Variants in TRIM2 observed in about 807,000 individuals in gnomAD.
The protein encoded by TRIM2 is tripartite motif containing 2, also known as tripartite motif-containing protein 2.
A neutral mutation model predicts 75.2 loss-of-function variants in TRIM2; 20 were observed. The observed-to-expected ratio is 0.27, with a 90% CI of 0.19 to 0.39. The LOEUF is 0.39. TRIM2 is among the 10% of genes least tolerant of loss of function. TRIM2 has a pLI of 1.00. For missense variants in TRIM2, 660 were observed against 990.8 expected, an observed-to-expected ratio of 0.67 and a Z score of 4.48; for synonymous variants, 373 against 388.3, an observed-to-expected ratio of 0.96 and a Z score of 0.46.
At chr4:153,261,431 A>G (rs1330751320) in intron 1 of TRIM2, among the ~76,000 whole-genome samples, 1 of 151,508 alleles carries the variant, frequency 6.6e-6, no homozygotes, top group Non-Finnish European at 1.5e-5. Flanking sequence ...TTAGGGAGAG[A>G]AAAAAAAAGG....
rs533376344 is a variant in TRIM2 at position 153,175,108 on chromosome 4, C to G, written c.-49+21838C>G. ...CGCTGCAACCTCCGCCTTCTGCCTT[C>G]CGGTTTCAAGCGATTCTCCTGCCTC... On this transcript the variant is annotated intron_variant, in intron 1 of 11. Transcript: ENST00000437508. Among the ~76,000 whole-genome samples the G allele has an allele frequency of 2.0e-4, 31 of 152,184 alleles. No individual in the cohort carries two copies. The South Asian group carries it at 6.2e-3, about 31-fold the overall frequency.
At chr4:153,258,646 A>G (rs1002807425) in intron 1 of TRIM2, among the ~76,000 whole-genome samples, 2 of 152,228 alleles carry the variant, frequency 1.3e-5, no homozygotes, top group East Asian at 1.9e-4. Flanking sequence ...GACAGTTTCA[A>G]TGTAATAGCT....
chr4:153,199,995 G>A (rs1734166517), upstream of TRIM2, among the ~76,000 whole-genome samples: 1 of 147,004 alleles, frequency 6.8e-6, no homozygotes, highest in African/African-American at 2.5e-5. Flanking sequence ...AGGCTGGAGT[G>A]CAGTGGTATG....
chr4:153,169,598 G>A (rs946446813), intron 1 of TRIM2, among the ~76,000 whole-genome samples: 1 of 152,066 alleles, frequency 6.6e-6, no homozygotes, highest in African/African-American at 2.4e-5. Context: ...GTATGTGTGT[G>A]TATATTGTAT....
intron 1 of TRIM2, among the ~76,000 whole-genome samples, chr4:153,187,170 A>G (rs1180551720): frequency 1.3e-5 from 2 of 152,142 alleles, no homozygotes; most frequent in African/African-American, 4.8e-5. Flanking sequence ...ACAGTCACAA[A>G]TCATGTATGT....
intron 1 of TRIM2, among the ~76,000 whole-genome samples, chr4:153,176,890 T>C (rs10025876): frequency 0.58 from 88,044 of 152,108 alleles, 26,325 homozygotes; most frequent in African/African-American, 0.74. Context: ...TGATTACAGG[T>C]GTGAGCCACC....
intron 8 of TRIM2, among the ~76,000 whole-genome samples, chr4:153,317,035 C>A (rs2149532729): frequency 6.6e-6 from 1 of 151,736 alleles, no homozygotes. Flanking sequence ...TGCCCGCCAC[C>A]ACGCCCGGCT....
At chr4:153,174,142 C>G (rs1404928120) in intron 1 of TRIM2, among the ~76,000 whole-genome samples, 2 of 38,968 alleles carry the variant, frequency 5.1e-5, no homozygotes, top group African/African-American at 3.4e-4. Context: ...CAGTGGAAAC[C>G]CTTGCATTGC....
At chr4:153,278,462 C>T (rs964593202) in intron 3 of TRIM2, among the ~76,000 whole-genome samples, 3 of 152,210 alleles carry the variant, frequency 2.0e-5, no homozygotes, top group African/African-American at 7.2e-5. Context: ...ATGACAGCCC[C>T]TTCATATCCC....
At chr4:153,334,762 G>T in intron 11 of TRIM2, 52 bp from the exon 12 acceptor site, 2 of 1,497,434 alleles carry the variant, frequency 1.3e-6, no homozygotes, top group Middle Eastern at 1.7e-4. Flanking sequence ...CCCATGTTCA[G>T]CATATTACTA....
chr4:153,246,036 G>A (rs1007632865), intron 1 of TRIM2, among the ~76,000 whole-genome samples: 4 of 152,124 alleles, frequency 2.6e-5, no homozygotes, highest in African/African-American at 7.2e-5. Flanking sequence ...CAGTTGCAAC[G>A]GATACTGTAT....
rs142215104 is a variant in TRIM2 at position 153,236,658 on chromosome 4, T to TTTTTCTTTTCTTTTCTTTTCTTTTC, written c.30+32103_30+32127dup. ...GTTGTTTGAGTCTGAGGATTGTGTC[T>TTTTTCTTTTCTTTTCTTTTCTTTTC]TTTTCTTTTCTTTTCTTTTCTTTTC... On this transcript the variant is annotated intron_variant, in intron 1 of 11. Transcript: ENST00000338700. Among the ~76,000 whole-genome samples the TTTTTCTTTTCTTTTCTTTTCTTTTC allele has an allele frequency of 1.3e-3, 192 of 149,614 alleles. 1 individual carries two copies. Among genetic ancestry groups the TTTTTCTTTTCTTTTCTTTTCTTTTC allele is most frequent in the African/African-American group, 4.7e-3 (186 of 39,804 alleles).
At chr4:153,227,930 CCTT>C (rs1462351773) in intron 1 of TRIM2, among the ~76,000 whole-genome samples, 1 of 152,192 alleles carries the variant, frequency 6.6e-6, no homozygotes, top group Non-Finnish European at 1.5e-5. Context: ...AGCTGGCTCT[CCTT>C]ATTGTTCAGC....
intron 3 of TRIM2, among the ~76,000 whole-genome samples, chr4:153,280,610 C>A (rs1033381544): frequency 6.6e-6 from 1 of 151,944 alleles, no homozygotes; most frequent in Admixed American, 6.6e-5. Context: ...GCAAACTGGC[C>A]TCAAGGGATC....
At chr4:153,270,649 T>C (rs1756451638) in intron 2 of TRIM2, 130 bp downstream of exon 2, 2 of 787,194 alleles carry the variant, frequency 2.5e-6, no homozygotes, top group Non-Finnish European at 3.8e-6. Context: ...CTGCCAGACA[T>C]TGAAAAACAG....
chr4:153,176,356 G>T (rs1387055002), intron 1 of TRIM2, among the ~76,000 whole-genome samples: 2 of 152,032 alleles, frequency 1.3e-5, no homozygotes, highest in Non-Finnish European at 2.9e-5. Context: ...GGGAGGCTGA[G>T]GTGGGAGGAT....
In TRIM2 at chr4:153,336,593, G is replaced by GATA. The variant is rs1160938017; in HGVS notation, c.*1627_*1628insATA. The GATA allele has an allele frequency of 1.0e-6, 1 of 985,616 alleles. No individual in the cohort carries two copies. Among genetic ancestry groups the GATA allele is most frequent in the Non-Finnish European group, 1.2e-6 (1 of 829,902 alleles). 61.1% of individuals were successfully genotyped at this position (985,616 alleles called of 1,614,324 possible). A position where few individuals can be genotyped will look rare whatever the true frequency, so the allele number is the denominator to read the frequency against. ...GTTTGACATTTTTGATAGTGACTTTGGGGTCTTCTTCACTGAAAGCACCTT... is the reference window on the plus strand; with the variant it reads ...GTTTGACATTTTTGATAGTGACTTTGATAGGGTCTTCTTCACTGAAAGCACCTT... On this transcript the variant is annotated 3_prime_UTR_variant, in exon 12 of 12. Coordinates refer to ENST00000338700, the MANE Select transcript of TRIM2 (RefSeq NM_015271.5).
At chr4:153,317,108 C>G (rs1224905010) in intron 8 of TRIM2, among the ~76,000 whole-genome samples, 1 of 150,266 alleles carries the variant, frequency 6.7e-6, no homozygotes, top group Non-Finnish European at 1.5e-5. Context: ...TCTGGATCTC[C>G]TGACCTCATG....
At chr4:153,286,781 ACTCT>A (rs746336996) in intron 3 of TRIM2, among the ~76,000 whole-genome samples, 1 of 63,310 alleles carries the variant, frequency 1.6e-5, no homozygotes, top group Non-Finnish European at 3.1e-5. Context: ...CCACCATCTC[ACTCT>A]CTCTCTCTCT....
Sources: gnomAD v4.1 joint callset for allele counts (sites outside exome capture counted in the v4.1 genomes callset) on GRCh38, gnomAD v4.1.1 for gene constraint, MANE v1.5 for transcripts, NCBI Gene and HGNC (gene_info 2026-07-23, HGNC 2026-07-21) for gene names.